BIRC6: variants seen among roughly 807,000 people sequenced by gnomAD.
BIRC6 encodes the protein baculoviral IAP repeat containing 6, also known as dual E2 ubiquitin-conjugating enzyme/E3 ubiquitin-protein ligase BIRC6.
BIRC6 carries 98 observed loss-of-function variants against 503.3 expected under a neutral mutation model. That is an observed-to-expected ratio of 0.19 (90% CI 0.17 to 0.23). BIRC6 has a LOEUF of 0.23. BIRC6 is among the 10% of genes least tolerant of loss of function. The pLI is 1.00. For synonymous variants in BIRC6, 2,240 were observed against 2,078.7 expected, an observed-to-expected ratio of 1.08 and a Z score of -2.11; for missense variants, 5,360 against 5,806.0, an observed-to-expected ratio of 0.92 and a Z score of 2.50.
At chr2:32,596,767 G>A (rs2061702612) in intron 68 of BIRC6, among the ~76,000 whole-genome samples, 1 of 152,206 alleles carries the variant, frequency 6.6e-6, no homozygotes, top group African/African-American at 2.4e-5. Flanking sequence ...ACATGGCAGT[G>A]TTCTTGTACT....
chr2:32,429,077 T>C, intron 10 of BIRC6, 69 bp from the exon 11 acceptor site: 1 of 1,293,674 alleles, frequency 7.7e-7, no homozygotes, highest in Non-Finnish European at 1.1e-6. Context: ...GTTTCCTAAG[T>C]AGTATTACAT....
At chr2:32,447,359 G>A (rs1312679162) in intron 21 of BIRC6, among the ~76,000 whole-genome samples, 4 of 150,166 alleles carry the variant, frequency 2.7e-5, no homozygotes, top group Non-Finnish European at 4.5e-5. Context: ...CCTCCCGGAT[G>A]GGGCGGCTGG....
intron 54 of BIRC6, among the ~76,000 whole-genome samples, chr2:32,513,466 G>C (rs542321562): frequency 7.9e-5 from 12 of 152,212 alleles, no homozygotes; most frequent in Middle Eastern, 3.4e-3. Context: ...TACAACTCTG[G>C]CAGGATAGTA....
Position 32,481,547 on chromosome 2 carries a change from A to T in BIRC6, c.7542+94A>T, listed in dbSNP as rs2050400474. ...TTTGGGAGGCCAAGGTGGGCAGATC[A>T]CAAGGTCAAGAGATCAAGACCATCC... is the stretch of plus-strand genomic sequence containing the variant. On this transcript the variant is annotated intron_variant, in intron 38 of 73. Coordinates refer to ENST00000421745, the MANE Select transcript of BIRC6 (RefSeq NM_016252.4). 2.4e-5 allele frequency: 25 copies of T among 1,059,172 alleles called. No individual in the cohort carries two copies. The South Asian group carries it at 4.5e-4, about 19-fold the overall frequency. 65.6% of individuals were successfully genotyped at this position (1,059,172 alleles called of 1,614,324 possible).
At chr2:32,550,398 C>T (rs1199469886) in intron 65 of BIRC6, among the ~76,000 whole-genome samples, 2 of 152,106 alleles carry the variant, frequency 1.3e-5, no homozygotes, top group Non-Finnish European at 2.9e-5. Flanking sequence ...TAAAAATACG[C>T]TATTTCCCAG....
chr2:32,611,653 C>A, intron 73 of BIRC6, 71 bp downstream of exon 73: 2 of 1,342,856 alleles, frequency 1.5e-6, no homozygotes. Flanking sequence ...ACCATGCCTA[C>A]CAGAAGATAA....
chr2:32,363,525 A>C (rs1220766004), intron 1 of BIRC6, among the ~76,000 whole-genome samples: 2 of 152,074 alleles, frequency 1.3e-5, no homozygotes, highest in Non-Finnish European at 2.9e-5. Flanking sequence ...TCTCTTACTT[A>C]ATTACTGGGG....
At chr2:32,495,715 A>G (rs1260367676) in intron 45 of BIRC6, among the ~76,000 whole-genome samples, 1 of 145,486 alleles carries the variant, frequency 6.9e-6, no homozygotes, top group Non-Finnish European at 1.5e-5. Context: ...CACACAGAAT[A>G]TTATGTTTTC....
At chr2:32,400,083 G>A (rs1338405158) in intron 6 of BIRC6, among the ~76,000 whole-genome samples, 2 of 151,852 alleles carry the variant, frequency 1.3e-5, no homozygotes, top group Non-Finnish European at 2.9e-5. Context: ...TGTGAGCCAC[G>A]GTGCCCAGCC....
chr2:32,439,143 GTTA>G (rs1176608758), intron 15 of BIRC6, among the ~76,000 whole-genome samples: 4 of 152,008 alleles, frequency 2.6e-5, no homozygotes, highest in African/African-American at 7.2e-5. Flanking sequence ...TATACGTTCT[GTTA>G]TTATCTAGAT....
chr2:32,521,809 A>G (rs1171485040), intron 57 of BIRC6: 2 of 151,954 alleles, frequency 1.3e-5, no homozygotes, highest in African/African-American at 2.4e-5. Context: ...AATAACCTTT[A>G]TGTGTCAGTC....
At chr2:32,589,492 T>A (rs2061271133) in intron 66 of BIRC6, among the ~76,000 whole-genome samples, 1 of 152,184 alleles carries the variant, frequency 6.6e-6, no homozygotes, top group Admixed American at 6.5e-5. Flanking sequence ...TTAAAAAAAA[T>A]TTCAGTTCCA....
intron 65 of BIRC6, among the ~76,000 whole-genome samples, chr2:32,558,079 A>G (rs1481408475): frequency 6.6e-6 from 1 of 152,178 alleles, no homozygotes; most frequent in Non-Finnish European, 1.5e-5. Flanking sequence ...TTTCTTGCGT[A>G]GTTTTTCAGT....
In BIRC6 at chr2:32,505,028, A is replaced by G. The variant is rs201464207; in HGVS notation, c.9523A>G (p.Thr3175Ala). ...PLGTITSSSP[T>A]AQPAEVLLQA... ...AGGTACAATCACATCTAGCAGTCCT[A>G]CTGCCCAACCAGCTGAAGTGCTATT... The change falls in exon 50 of 74, where the codon ACT becomes GCT. Residue 3175 changes from threonine to alanine, a missense_variant. Around this residue, in one of 16 missense-constraint regions of BIRC6, gnomAD observed 267 missense variants for 287.6 expected, o/e 0.93. Transcript: ENST00000421745. 3.0e-5 allele frequency: 48 copies of G among 1,613,788 alleles called. No homozygotes were observed. The highest frequency in any genetic ancestry group is 4.1e-5 in the Non-Finnish European group (48 of 1,179,782).
chr2:32,504,495 G>A (rs1203604246), intron 49 of BIRC6, among the ~76,000 whole-genome samples: 2 of 151,562 alleles, frequency 1.3e-5, no homozygotes, highest in African/African-American at 4.8e-5. Context: ...GTGAAACCCC[G>A]TCTCTACTAA....
chr2:32,409,078 A>G (rs1352950828), intron 9 of BIRC6, among the ~76,000 whole-genome samples: 1 of 152,218 alleles, frequency 6.6e-6, no homozygotes, highest in Non-Finnish European at 1.5e-5. Flanking sequence ...TTTGGTGGAA[A>G]TCACAGTTCT....
intron 1 of BIRC6, among the ~76,000 whole-genome samples, chr2:32,375,615 A>G (rs751138118): frequency 2.4e-4 from 36 of 152,298 alleles, no homozygotes; most frequent in Non-Finnish European, 4.3e-4. Context: ...GATACGTACC[A>G]TAGACTGAGG....
intron 9 of BIRC6, among the ~76,000 whole-genome samples, chr2:32,412,952 T>C (rs2042047568): frequency 6.6e-6 from 1 of 152,082 alleles, no homozygotes; most frequent in South Asian, 2.1e-4. Flanking sequence ...CACATTACTT[T>C]TTTGAAAAAA....
At chr2:32,362,749 C>T (rs2034315120) in intron 1 of BIRC6, among the ~76,000 whole-genome samples, 1 of 151,996 alleles carries the variant, frequency 6.6e-6, no homozygotes, top group Non-Finnish European at 1.5e-5. Context: ...GAGCTTGGTT[C>T]TGGACACAGA....
Sources: allele counts gnomAD v4.1 joint callset (sites outside exome capture counted in the v4.1 genomes callset), GRCh38; gene constraint gnomAD v4.1.1; regional missense constraint gnomAD v4.1.1; transcripts MANE v1.5; gene names NCBI Gene and HGNC (gene_info 2026-07-23, HGNC 2026-07-21).